The following GRM7 variants were observed in gnomAD, a reference collection of about 807,000 sequenced individuals.
GRM7 encodes the protein metabotropic glutamate receptor 7.
In GRM7, 35 loss-of-function variants were observed where a neutral mutation model predicts 84.5. The ratio of observed to expected loss-of-function variants is 0.41; its 90% CI spans 0.32 to 0.55. The LOEUF is 0.55. Among genes scored for constraint, GRM7 ranks in the 20% least tolerant of loss-of-function variants. The pLI is 0.19. For synonymous variants in GRM7, 487 were observed against 455.1 expected, an observed-to-expected ratio of 1.07 and a Z score of -0.89; for missense variants, 1,003 against 1,194.6, an observed-to-expected ratio of 0.84 and a Z score of 2.36.
intron 1 of GRM7, among the ~76,000 whole-genome samples, chr3:6,952,491 A>T (rs76114919): frequency 0.07 from 10,646 of 152,218 alleles, 518 homozygotes; most frequent in Middle Eastern, 0.11. Context: ...TGGCTGCAGT[A>T]ATCTCTCCAG....
In GRM7 at chr3:7,357,101, C is replaced by T. The variant is rs554726359; in HGVS notation, c.1033+50449C>T. Among the ~76,000 whole-genome samples the T allele has an allele frequency of 1.3e-4, 19 of 151,354 alleles. No homozygotes were observed. The East Asian group carries it at 3.3e-3, about 26-fold the overall frequency. On this transcript the variant is annotated intron_variant, in intron 4 of 9. Coordinates refer to ENST00000357716, the MANE Select transcript of GRM7 (RefSeq NM_000844.4). ...TCCCTCTAGAGAACCCTGACTTATA[C>T]ACTGTCCAAGGAAGCAAACATAAAT...
chr3:7,441,226 C>A (rs1027216031), intron 5 of GRM7, among the ~76,000 whole-genome samples: 9 of 152,260 alleles, frequency 5.9e-5, no homozygotes, highest in Non-Finnish European at 1.2e-4. Context: ...ATTTACATTT[C>A]TCTAATGATT....
At chr3:6,940,519 T>C (rs1575041472) in intron 1 of GRM7, among the ~76,000 whole-genome samples, 1 of 152,232 alleles carries the variant, frequency 6.6e-6, no homozygotes, top group African/African-American at 2.4e-5. Flanking sequence ...CAATTTTTGA[T>C]AGTCATATTC....
At chr3:7,539,090 G>T (rs1278255923) in intron 7 of GRM7, among the ~76,000 whole-genome samples, 1 of 152,268 alleles carries the variant, frequency 6.6e-6, no homozygotes, top group East Asian at 1.9e-4. Flanking sequence ...GATTCTTATA[G>T]ATGAGATCTG....
chr3:7,289,517 C>G (rs1264973650), intron 2 of GRM7, among the ~76,000 whole-genome samples: 3 of 152,084 alleles, frequency 2.0e-5, no homozygotes, highest in Non-Finnish European at 4.4e-5. Flanking sequence ...GGTATATACC[C>G]AAAGGATTAT....
chr3:7,156,474 C>T (rs1422856651), intron 2 of GRM7, among the ~76,000 whole-genome samples: 3 of 152,142 alleles, frequency 2.0e-5, no homozygotes, highest in East Asian at 1.9e-4. Flanking sequence ...GGATCAGTAA[C>T]GTAAGACACT....
intron 2 of GRM7, among the ~76,000 whole-genome samples, chr3:7,237,944 C>A (rs1697407490): frequency 6.6e-6 from 1 of 152,168 alleles, no homozygotes; most frequent in Non-Finnish European, 1.5e-5. Context: ...GTTTACAGAC[C>A]TTTAGCTAGA....
At chr3:7,616,932 A>C (rs1207058868) in intron 8 of GRM7, among the ~76,000 whole-genome samples, 1 of 152,186 alleles carries the variant, frequency 6.6e-6, no homozygotes, top group African/African-American at 2.4e-5. Context: ...TAAGAATTGT[A>C]ATGGAATTAA....
intron 7 of GRM7, among the ~76,000 whole-genome samples, chr3:7,546,834 C>A (rs1463176886): frequency 2.0e-5 from 3 of 152,092 alleles, no homozygotes; most frequent in Non-Finnish European, 4.4e-5. Context: ...ATGAACAAAA[C>A]CAAATAATTT....
chr3:7,527,798 T>A (rs1485949284), intron 7 of GRM7, among the ~76,000 whole-genome samples: 10 of 152,082 alleles, frequency 6.6e-5, no homozygotes, highest in Non-Finnish European at 1.3e-4. Context: ...ATGGGTTTTT[T>A]AAAATTCTGT....
intron 2 of GRM7, among the ~76,000 whole-genome samples, chr3:7,172,542 T>TTACCC (rs1574989394): frequency 9.2e-6 from 1 of 109,174 alleles, no homozygotes; most frequent in African/African-American, 3.8e-5. Flanking sequence ...TATGTAGTCT[T>TTACCC]CCCCCCCGCC....
chr3:7,208,602 A>G (rs1533003), intron 2 of GRM7, among the ~76,000 whole-genome samples: 151,002 of 152,280 alleles, frequency 0.99, 74,870 homozygotes, highest in East Asian at 1. Context: ...CCCAGCACCA[A>G]GTATAATAAA....
Position 7,358,659 on chromosome 3 carries a change from A to C in GRM7, c.1033+52007A>C, listed in dbSNP as rs1226315590. On this transcript the variant is annotated intron_variant, in intron 4 of 9. Transcript: ENST00000357716. Reference sequence around the variant, plus strand: ...ATGTTACTGGGATCTCTTTTTTGCAAATAAAACTGTTTAACTTCCTGTGGA... The same window carrying C: ...ATGTTACTGGGATCTCTTTTTTGCACATAAAACTGTTTAACTTCCTGTGGA... 2.2e-4 allele frequency among the ~76,000 whole-genome samples: 30 copies of C among 135,496 alleles called. 2 individuals carry two copies. The highest frequency in any genetic ancestry group is 2.1e-3 in the Admixed American group (28 of 13,498). The allele number at this position is 135,496 out of a possible 152,430, so 88.9% of individuals were successfully genotyped here. A position where few individuals can be genotyped will look rare whatever the true frequency, so the allele number is the denominator to read the frequency against.
At chr3:6,973,192 T>TATC (rs1342187920) in intron 1 of GRM7, among the ~76,000 whole-genome samples, 2 of 151,026 alleles carry the variant, frequency 1.3e-5, no homozygotes, top group Non-Finnish European at 2.9e-5. Context: ...ATGATGGTTT[T>TATC]ATTATTATTA....
intron 7 of GRM7, among the ~76,000 whole-genome samples, chr3:7,541,784 T>C (rs1020448835): frequency 6.6e-6 from 1 of 152,210 alleles, no homozygotes; most frequent in Non-Finnish European, 1.5e-5. Flanking sequence ...AAGGCTGCAA[T>C]AGTTTCCTGG....
chr3:7,272,958 T>C (rs561477736), intron 2 of GRM7, among the ~76,000 whole-genome samples: 1 of 152,234 alleles, frequency 6.6e-6, no homozygotes, highest in Admixed American at 6.5e-5. Context: ...TTTAGATTTT[T>C]ATTTTTTTAA....
intron 8 of GRM7, among the ~76,000 whole-genome samples, chr3:7,628,494 G>C (rs1295904051): frequency 6.6e-6 from 1 of 152,176 alleles, no homozygotes; most frequent in Non-Finnish European, 1.5e-5. Context: ...TCAATGTATT[G>C]AGAGAAAGAA....
intron 1 of GRM7, among the ~76,000 whole-genome samples, chr3:7,073,809 A>G (rs1697965558): frequency 6.6e-6 from 1 of 151,998 alleles, no homozygotes; most frequent in South Asian, 2.1e-4. Flanking sequence ...GAACTGGAGA[A>G]ATAGATAAGG....
At chr3:7,334,592 G>A (rs1260636796) in intron 4 of GRM7, among the ~76,000 whole-genome samples, 4 of 152,040 alleles carry the variant, frequency 2.6e-5, no homozygotes, top group Non-Finnish European at 5.9e-5. Context: ...AATGTAAATG[G>A]CCTAAATGCT....
Sources: allele counts gnomAD v4.1 joint callset (sites outside exome capture counted in the v4.1 genomes callset), GRCh38; gene constraint gnomAD v4.1.1; transcripts MANE v1.5; gene names NCBI Gene and HGNC (gene_info 2026-07-23, HGNC 2026-07-21).